The following LRRC37A2 variants were observed in gnomAD, a reference collection of about 807,000 sequenced individuals.
LRRC37A2 encodes leucine-rich repeat-containing protein 37A2.
In LRRC37A2, 9 loss-of-function variants were observed where a neutral mutation model predicts 68.8. That is an observed-to-expected ratio of 0.13 (90% CI 0.08 to 0.23). LRRC37A2 has a LOEUF of 0.23. Among genes scored for constraint, LRRC37A2 ranks in the 10% least tolerant of loss-of-function variants. The probability of loss-of-function intolerance (pLI) is 1.00; values close to 1 mark genes in which losing one functional copy is unlikely to be tolerated. For synonymous variants in LRRC37A2, 63 were observed against 367.6 expected (o/e 0.17, Z 9.48); for missense variants, 168 against 950.4 (o/e 0.18, Z 10.82).
chr17:46,667,571 G>A, the LRRC37A2 span, among the ~76,000 whole-genome samples: 2 of 140,968 alleles, frequency 1.4e-5, no homozygotes, highest in Admixed American at 1.5e-4. Flanking sequence ...TGCTAGTTGT[G>A]AAATCTAAAT....
At chr17:46,568,427 A>C in the LRRC37A2 span, among the ~76,000 whole-genome samples, 1 of 126,548 alleles carries the variant, frequency 7.9e-6, no homozygotes, top group Admixed American at 7.8e-5. Flanking sequence ...AAATCCACAG[A>C]TAGCCAAGCA....
the LRRC37A2 span, among the ~76,000 whole-genome samples, chr17:46,761,125 G>C: frequency 6.6e-6 from 1 of 152,318 alleles, no homozygotes; most frequent in South Asian, 2.1e-4. Context: ...TCTGTATCCT[G>C]TACGTGTCCG....
At chr17:46,764,922 G>A in the LRRC37A2 span, among the ~76,000 whole-genome samples, 28 of 152,216 alleles carry the variant, frequency 1.8e-4, no homozygotes. Context: ...GGTCACTCAG[G>A]ATGGGAGAAA....
chr17:47,006,519 T>C, the LRRC37A2 span, among the ~76,000 whole-genome samples: 18 of 151,914 alleles, frequency 1.2e-4, no homozygotes, highest in African/African-American at 4.4e-4. Context: ...GGCTGAGGCA[T>C]GAGAATTGTT....
the LRRC37A2 span, among the ~76,000 whole-genome samples, chr17:47,012,510 T>C: frequency 2.1e-3 from 314 of 151,538 alleles, 1 homozygote; most frequent in African/African-American, 7.3e-3. Flanking sequence ...CCAGAATATA[T>C]AAAGAACACT....
chr17:46,817,331 C>T, the LRRC37A2 span, among the ~76,000 whole-genome samples: 2 of 152,220 alleles, frequency 1.3e-5, no homozygotes, highest in Non-Finnish European at 1.5e-5. Flanking sequence ...GGGCCACAGC[C>T]CACTTCTCAC....
At chr17:46,874,393 C>T in the LRRC37A2 span, among the ~76,000 whole-genome samples, 1 of 152,176 alleles carries the variant, frequency 6.6e-6, no homozygotes, top group African/African-American at 2.4e-5. Flanking sequence ...CATACACCGA[C>T]CTGGAGTCAA....
At chr17:46,491,774 C>T in the LRRC37A2 span, among the ~76,000 whole-genome samples, 1 of 145,892 alleles carries the variant, frequency 6.9e-6, no homozygotes, top group Non-Finnish European at 1.5e-5. Flanking sequence ...TCAGATATGG[C>T]TATTATATTT....
At chr17:46,811,034 G>A in the LRRC37A2 span, among the ~76,000 whole-genome samples, 25 of 152,116 alleles carry the variant, frequency 1.6e-4, no homozygotes, top group African/African-American at 6.0e-4. Context: ...ATTTTGAGAA[G>A]GCCCGCCTCA....
chr17:46,671,993 T>TTGTA, the LRRC37A2 span, among the ~76,000 whole-genome samples: 7 of 136,302 alleles, frequency 5.1e-5, 1 homozygote, highest in African/African-American at 1.9e-4. Flanking sequence ...TCTTTGAGTT[T>TTGTA]TGTAGGAAAA....
the LRRC37A2 span, among the ~76,000 whole-genome samples, chr17:46,913,166 C>A: frequency 6.6e-6 from 1 of 152,210 alleles, no homozygotes; most frequent in Non-Finnish European, 1.5e-5. Flanking sequence ...AGTTTTTAAT[C>A]GCCTAAAAGC....
At chr17:46,938,990 C>A in the LRRC37A2 span, 2 of 1,387,528 alleles carry the variant, frequency 1.4e-6, no homozygotes, top group Admixed American at 2.4e-5. Context: ...TGAAAGAAGT[C>A]CCGGGTCTGT....
the LRRC37A2 span, among the ~76,000 whole-genome samples, chr17:46,887,951 G>A: frequency 5.3e-5 from 8 of 152,132 alleles, no homozygotes; most frequent in African/African-American, 1.7e-4. Flanking sequence ...TGATGAAACT[G>A]ACAACCCTAC....
At chr17:46,901,350 C>T in the LRRC37A2 span, among the ~76,000 whole-genome samples, 4 of 151,950 alleles carry the variant, frequency 2.6e-5, no homozygotes, top group South Asian at 6.2e-4. Context: ...TTAATAGAGA[C>T]GGTGTTTCAC....
the LRRC37A2 span, among the ~76,000 whole-genome samples, chr17:46,477,699 A>G: frequency 3.4e-5 from 1 of 29,432 alleles, no homozygotes; most frequent in Non-Finnish European, 8.1e-5. Flanking sequence ...TCTTCCCTCA[A>G]GGAGTTCAGA....
the LRRC37A2 span, among the ~76,000 whole-genome samples, chr17:46,913,652 C>G: frequency 6.6e-6 from 1 of 152,208 alleles, no homozygotes; most frequent in African/African-American, 2.4e-5. Flanking sequence ...GAGGCCAGTA[C>G]CGAGGGCTCT....
the LRRC37A2 span, chr17:46,942,071 A>G: frequency 2.2e-6 from 1 of 464,560 alleles, no homozygotes; most frequent in Non-Finnish European, 2.8e-6. Context: ...ACTGAAACAG[A>G]TACAAAGAAG....
At chr17:46,760,400 G>A in the LRRC37A2 span, among the ~76,000 whole-genome samples, 1 of 152,000 alleles carries the variant, frequency 6.6e-6, no homozygotes, top group Non-Finnish European at 1.5e-5. Context: ...GAGAGGCTGA[G>A]GTGGGAGATC....
chr17:46,994,894 G>T, the LRRC37A2 span, among the ~76,000 whole-genome samples: 1 of 152,246 alleles, frequency 6.6e-6, no homozygotes, highest in Middle Eastern at 3.4e-3. Flanking sequence ...GGCCAAAGTG[G>T]GTGGATTGCT....
Sources: allele counts gnomAD v4.1 joint callset (sites outside exome capture counted in the v4.1 genomes callset), GRCh38; gene constraint gnomAD v4.1.1; transcripts MANE v1.5; gene names NCBI Gene and HGNC (gene_info 2026-07-23, HGNC 2026-07-21).